CFAP77: variants seen among roughly 807,000 people sequenced by gnomAD.
CFAP77 encodes cilia and flagella associated protein 77.
A neutral mutation model predicts 31.1 loss-of-function variants in CFAP77; 25 were observed. The observed-to-expected ratio is 0.80, with a 90% CI of 0.59 to 1.12. The LOEUF is 1.12. CFAP77 is among the 50% of genes most tolerant of loss of function. CFAP77 has a pLI of 0.00. For synonymous variants in CFAP77, 151 were observed against 159.9 expected, an observed-to-expected ratio of 0.94 and a Z score of 0.42; for missense variants, 377 against 397.3, an observed-to-expected ratio of 0.95 and a Z score of 0.44.
In CFAP77 at chr9:132,510,102, G is replaced by T. The variant is rs542120792; in HGVS notation, c.524+10502G>T. Among the ~76,000 whole-genome samples the T allele has an allele frequency of 7.7e-4, 117 of 152,244 alleles. 1 individual carries two copies. Among genetic ancestry groups the T allele is most frequent in the Non-Finnish European group, 1.4e-3 (97 of 68,026 alleles). On this transcript the variant is annotated intron_variant, in intron 3 of 5. Coordinates refer to ENST00000393216, the MANE Select transcript of CFAP77 (RefSeq NM_001282957.2). ...GGGAGGGCTCAGGGAGGCACTGATG[G>T]GCCCGTAATGGATGGGGCCGCCACT...
intron 3 of CFAP77, among the ~76,000 whole-genome samples, chr9:132,500,922 A>T (rs1851831192): frequency 1.3e-5 from 2 of 152,170 alleles, no homozygotes; most frequent in South Asian, 4.1e-4. Context: ...TCCAGTCAAC[A>T]CCCCATCTTC....
At chr9:132,543,173 C>T in intron 5 of CFAP77, 126 bp downstream of exon 5, 1 of 716,426 alleles carries the variant, frequency 1.4e-6, no homozygotes. Context: ...ACAGCCGCAG[C>T]AGCAATCGCA....
At chr9:132,465,858 A>C (rs1229289132) in intron 1 of CFAP77, among the ~76,000 whole-genome samples, 1 of 152,216 alleles carries the variant, frequency 6.6e-6, no homozygotes, top group Non-Finnish European at 1.5e-5. Flanking sequence ...AGCTGGGCTG[A>C]TGGCACGAGG....
intron 4 of CFAP77, among the ~76,000 whole-genome samples, chr9:132,542,565 T>C (rs932582598): frequency 2.6e-5 from 4 of 152,202 alleles, no homozygotes; most frequent in African/African-American, 9.7e-5. Context: ...AATCGTGCAC[T>C]TCTTCATCCA....
At chr9:132,436,844 T>C (rs1008792030) in intron 1 of CFAP77, among the ~76,000 whole-genome samples, 2 of 152,180 alleles carry the variant, frequency 1.3e-5, no homozygotes, top group African/African-American at 4.8e-5. Context: ...ATGTCTAGTA[T>C]GATAGCAGTT....
chr9:132,494,245 T>G (rs1166725309), intron 1 of CFAP77, among the ~76,000 whole-genome samples: 1 of 152,136 alleles, frequency 6.6e-6, no homozygotes, highest in Non-Finnish European at 1.5e-5. Flanking sequence ...TGGGCACTGT[T>G]GGCATCAAGG....
At chr9:132,500,166 A>C (rs1378756917) in intron 3 of CFAP77, among the ~76,000 whole-genome samples, 3 of 151,852 alleles carry the variant, frequency 2.0e-5, no homozygotes, top group Non-Finnish European at 4.4e-5. Flanking sequence ...AAAAAAAAAA[A>C]AAAACCTGTC....
intron 5 of CFAP77, among the ~76,000 whole-genome samples, chr9:132,548,196 A>G (rs1159565055): frequency 1.5e-5 from 2 of 134,622 alleles, no homozygotes; most frequent in African/African-American, 5.6e-5. Flanking sequence ...GCACCCGAGC[A>G]TCTCTGAGCG....
intron 1 of CFAP77, among the ~76,000 whole-genome samples, chr9:132,488,566 A>C (rs969569313): frequency 6.6e-6 from 1 of 152,238 alleles, no homozygotes; most frequent in Non-Finnish European, 1.5e-5. Flanking sequence ...AAGTTGTGCC[A>C]TGTAAATGGG....
chr9:132,506,231 C>A (rs1851928551), intron 3 of CFAP77, among the ~76,000 whole-genome samples: 1 of 152,184 alleles, frequency 6.6e-6, no homozygotes, highest in African/African-American at 2.4e-5. Context: ...ATTCTCATTA[C>A]CAGCGTGTAA....
At chr9:132,566,554 C>T (rs1184747988) in intron 5 of CFAP77, among the ~76,000 whole-genome samples, 1 of 152,128 alleles carries the variant, frequency 6.6e-6, no homozygotes, top group Non-Finnish European at 1.5e-5. Context: ...CTACGAGGCC[C>T]GTTGAGGACT....
At chr9:132,507,621 A>C (rs1265854901) in intron 3 of CFAP77, among the ~76,000 whole-genome samples, 1 of 152,148 alleles carries the variant, frequency 6.6e-6, no homozygotes. Flanking sequence ...TATTTTACAA[A>C]TTTACAGTGG....
At chr9:132,533,754 G>A (rs1208311209) in intron 3 of CFAP77, among the ~76,000 whole-genome samples, 14 of 152,090 alleles carry the variant, frequency 9.2e-5, no homozygotes, top group South Asian at 6.2e-4. Context: ...GGTGGTGGGC[G>A]CCTGGAGTCC....
intron 5 of CFAP77, among the ~76,000 whole-genome samples, chr9:132,558,210 A>G (rs921335742): frequency 6.6e-6 from 1 of 152,220 alleles, no homozygotes; most frequent in Non-Finnish European, 1.5e-5. Context: ...TTAAGATGAT[A>G]TTTATAGAAA....
intron 3 of CFAP77, among the ~76,000 whole-genome samples, chr9:132,522,155 T>C (rs931260574): frequency 6.6e-6 from 1 of 152,152 alleles, no homozygotes; most frequent in African/African-American, 2.4e-5. Flanking sequence ...CAAAGGACGG[T>C]GTCTGGGAAA....
chr9:132,487,884 A>C (rs952894862), intron 1 of CFAP77, among the ~76,000 whole-genome samples: 1 of 152,198 alleles, frequency 6.6e-6, no homozygotes, highest in Non-Finnish European at 1.5e-5. Context: ...AATATCCTCT[A>C]TGCTAATAAT....
At chr9:132,535,918 C>A (rs562417908) in intron 3 of CFAP77, among the ~76,000 whole-genome samples, 5 of 152,150 alleles carry the variant, frequency 3.3e-5, no homozygotes, top group Admixed American at 2.0e-4. Context: ...AACACAAAGT[C>A]TATTCAAAAA....
intron 5 of CFAP77, among the ~76,000 whole-genome samples, chr9:132,556,417 C>T (rs551913753): frequency 6.6e-6 from 1 of 152,166 alleles, no homozygotes; most frequent in Admixed American, 6.5e-5. Context: ...GAAGGGAGGA[C>T]CCCCTCCCCG....
chr9:132,508,066 C>G (rs576604723), intron 3 of CFAP77, among the ~76,000 whole-genome samples: 7 of 152,324 alleles, frequency 4.6e-5, no homozygotes, highest in African/African-American at 1.7e-4. Context: ...ATGCCTGGCA[C>G]ATAGTGAGCA....
Sources: allele counts gnomAD v4.1 joint callset (sites outside exome capture counted in the v4.1 genomes callset), GRCh38; gene constraint gnomAD v4.1.1; transcripts MANE v1.5; gene names NCBI Gene and HGNC (gene_info 2026-07-23, HGNC 2026-07-21).